Variants in PRKCB observed in about 807,000 individuals in gnomAD.
PRKCB encodes protein kinase C beta.
Under a neutral mutation model 81.5 loss-of-function variants are expected in PRKCB, and 13 were observed. The ratio of observed to expected loss-of-function variants is 0.16; its 90% CI spans 0.10 to 0.25. PRKCB has a LOEUF of 0.25. Among genes scored for constraint, PRKCB ranks in the 10% least tolerant of loss-of-function variants. The probability of loss-of-function intolerance (pLI) is 1.00; values close to 1 mark genes in which losing one functional copy is unlikely to be tolerated. For synonymous variants in PRKCB, 335 were observed against 321.4 expected, an observed-to-expected ratio of 1.04 and a Z score of -0.45; for missense variants, 509 against 875.7, an observed-to-expected ratio of 0.58 and a Z score of 5.29.
intron 2 of PRKCB, among the ~76,000 whole-genome samples, chr16:23,887,963 C>G (rs113035994): frequency 1.9e-3 from 292 of 152,318 alleles, no homozygotes; most frequent in Non-Finnish European, 3.5e-3. Context: ...GCCTTTTTCT[C>G]TCCAGCAGGG....
chr16:24,143,887 C>G (rs1966946151), intron 9 of PRKCB, among the ~76,000 whole-genome samples: 1 of 152,152 alleles, frequency 6.6e-6, no homozygotes, highest in African/African-American at 2.4e-5. Context: ...ATGTTTTGGT[C>G]TCTTCTTCCT....
At chr16:23,855,435 A>T (rs1035130677) in intron 2 of PRKCB, among the ~76,000 whole-genome samples, 1 of 152,254 alleles carries the variant, frequency 6.6e-6, no homozygotes, top group African/African-American at 2.4e-5. Context: ...AAACAACAAC[A>T]AAAACCACAA....
intron 5 of PRKCB, among the ~76,000 whole-genome samples, chr16:24,048,549 G>A (rs1409523493): frequency 6.6e-6 from 1 of 151,278 alleles, no homozygotes; most frequent in Non-Finnish European, 1.5e-5. Flanking sequence ...GAGTGCAGTG[G>A]CACAATCTCA....
intron 2 of PRKCB, among the ~76,000 whole-genome samples, chr16:23,913,976 C>T (rs1281731466): frequency 6.6e-6 from 1 of 152,094 alleles, no homozygotes; most frequent in Non-Finnish European, 1.5e-5. Flanking sequence ...GAATGCTCCC[C>T]AGTATGTGAA....
At chr16:23,837,332 G>GC (rs1479342337) in intron 1 of PRKCB, 43 bp from the exon 2 acceptor site, 3 of 1,612,174 alleles carry the variant, frequency 1.9e-6, no homozygotes, top group Admixed American at 1.7e-5. Context: ...TGGAGGCTGG[G>GC]CCCCCCGGGC....
chr16:23,838,472 T>A (rs1597202701), intron 2 of PRKCB, among the ~76,000 whole-genome samples: 2 of 152,376 alleles, frequency 1.3e-5, no homozygotes, highest in South Asian at 2.1e-4. Context: ...ATTTAAATTT[T>A]AATTTTTCAC....
chr16:24,019,172 T>C (rs1005208796), intron 3 of PRKCB, among the ~76,000 whole-genome samples: 3 of 150,512 alleles, frequency 2.0e-5, no homozygotes, highest in African/African-American at 4.9e-5. Context: ...GTTTTTTTTT[T>C]CTTTTTTTTT....
chr16:23,892,288 C>G (rs1963307765), intron 2 of PRKCB, among the ~76,000 whole-genome samples: 1 of 152,174 alleles, frequency 6.6e-6, no homozygotes, highest in Admixed American at 6.5e-5. Context: ...CCCCTTTGCT[C>G]TTCGTGCTTT....
intron 10 of PRKCB, among the ~76,000 whole-genome samples, chr16:24,163,329 G>C (rs1217341015): frequency 6.6e-6 from 1 of 152,172 alleles, no homozygotes; most frequent in African/African-American, 2.4e-5. Context: ...CCCAGGGGAG[G>C]AAACTGGTGA....
intron 5 of PRKCB, among the ~76,000 whole-genome samples, chr16:24,059,823 G>C (rs8051750): frequency 0.28 from 42,295 of 152,146 alleles, 9,656 homozygotes; most frequent in African/African-American, 0.63. Flanking sequence ...TGATAAACAC[G>C]AGGCTAAGAA....
At chr16:24,039,394 GATTT>G (rs1365559561) in intron 5 of PRKCB, among the ~76,000 whole-genome samples, 1 of 144,304 alleles carries the variant, frequency 6.9e-6, no homozygotes, top group Non-Finnish European at 1.6e-5. Context: ...ATGCCCAGCT[GATTT>G]TTTTTATTTT....
Position 23,904,186 on chromosome 16 carries a change from G to C in PRKCB, c.205+66780G>C, listed in dbSNP as rs531603850. Reference sequence around the variant, plus strand: ...GGATGAACCTGGCCTGCAGCTAAGGGGGTGGGCTCTAGGGTCAGATTACTT... The same window carrying C: ...GGATGAACCTGGCCTGCAGCTAAGGCGGTGGGCTCTAGGGTCAGATTACTT... On this transcript the variant is annotated intron_variant, in intron 2 of 16. Coordinates refer to ENST00000643927, the MANE Select transcript of PRKCB (RefSeq NM_002738.7). Among the ~76,000 whole-genome samples the C allele has an allele frequency of 7.9e-5, 12 of 152,242 alleles. No homozygotes were observed. The South Asian group carries it at 2.5e-3, about 32-fold the overall frequency.
At chr16:23,859,945 G>C (rs1962636026) in intron 2 of PRKCB, among the ~76,000 whole-genome samples, 1 of 152,074 alleles carries the variant, frequency 6.6e-6, no homozygotes, top group Non-Finnish European at 1.5e-5. Context: ...GACCCATGGA[G>C]GGGAGAGCAC....
At chr16:24,205,145 C>CTTT (rs71154289) in intron 16 of PRKCB, among the ~76,000 whole-genome samples, 3 of 115,678 alleles carry the variant, frequency 2.6e-5, no homozygotes, top group Admixed American at 9.8e-5. Context: ...ATTATAATTC[C>CTTT]TTTTTTTTTT....
intron 2 of PRKCB, among the ~76,000 whole-genome samples, chr16:23,859,015 C>A (rs1166841699): frequency 6.6e-6 from 1 of 152,160 alleles, no homozygotes; most frequent in East Asian, 1.9e-4. Context: ...CTTATATTCA[C>A]AGCTACTTAG....
chr16:23,935,816 A>G (rs1407684018), intron 2 of PRKCB, among the ~76,000 whole-genome samples: 2 of 152,128 alleles, frequency 1.3e-5, no homozygotes, highest in Non-Finnish European at 2.9e-5. Context: ...GATAAGGGAG[A>G]GCTAAGCATT....
chr16:23,950,800 G>A (rs1964270339), intron 2 of PRKCB, among the ~76,000 whole-genome samples: 1 of 152,148 alleles, frequency 6.6e-6, no homozygotes, highest in Non-Finnish European at 1.5e-5. Flanking sequence ...TGTTTCTCCT[G>A]ATCTGTTTCC....
intron 2 of PRKCB, among the ~76,000 whole-genome samples, chr16:23,923,630 C>T (rs531974231): frequency 8.5e-5 from 13 of 152,200 alleles, no homozygotes; most frequent in African/African-American, 1.7e-4. Flanking sequence ...CTTGAATTCC[C>T]TTCATAGCAC....
At position 23,919,509 on chromosome 16, in the gene PRKCB, A is replaced by G. The variant is rs552232740; in HGVS notation, c.206-68999A>G. 3.3e-5 allele frequency among the ~76,000 whole-genome samples: 5 copies of G among 152,210 alleles called. No homozygotes were observed. In the East Asian group the frequency reaches 9.6e-4, roughly 29 times the overall value. On this transcript the variant is annotated intron_variant, in intron 2 of 16. Coordinates refer to ENST00000643927, the MANE Select transcript of PRKCB (RefSeq NM_002738.7). ...ATCTCTATATTTTGAAATGGATCAT[A>G]TTTTATTAGTTTTTCTTAGTACACA... is the stretch of plus-strand genomic sequence containing the variant.
Sources: gnomAD v4.1 joint callset for allele counts (sites outside exome capture counted in the v4.1 genomes callset) on GRCh38, gnomAD v4.1.1 for gene constraint, MANE v1.5 for transcripts, NCBI Gene and HGNC (gene_info 2026-07-23, HGNC 2026-07-21) for gene names.